ITGA2: variants seen among roughly 807,000 people sequenced by gnomAD.
ITGA2 encodes integrin subunit alpha 2.
A neutral mutation model predicts 146.3 loss-of-function variants in ITGA2; 101 were observed. The observed-to-expected ratio is 0.69, with a 90% CI of 0.59 to 0.81. The LOEUF is 0.81. ITGA2 is among the 40% of genes least tolerant of loss of function. The pLI is 0.00. For synonymous variants in ITGA2, 477 were observed against 487.1 expected (o/e 0.98, Z 0.27); for missense variants, 1,281 against 1,402.7 (o/e 0.91, Z 1.39).
intron 23 of ITGA2, among the ~76,000 whole-genome samples, chr5:53,076,122 C>T (rs974652533): frequency 6.6e-6 from 1 of 151,978 alleles, no homozygotes; most frequent in Admixed American, 6.6e-5. Flanking sequence ...CAAACTGGAA[C>T]ACAGTTGTGC....
In ITGA2 at chr5:53,056,008, G is replaced by A. The variant is rs41272301; in HGVS notation, c.955G>A (p.Ala319Thr). Residue 319 changes from alanine (A) to threonine (T), a missense_variant, in exon 9 of 30, where the codon GCC becomes ACC. By Grantham distance (58) the Ala-to-Thr change is moderately conservative (BLOSUM62 0). This residue lies in a region of ITGA2 where 795 missense variants were observed against 841.7 expected (regional missense o/e 0.94). Coordinates refer to ENST00000296585, the MANE Select transcript of ITGA2 (RefSeq NM_002203.4). ...IAVLGYLNRN[A>T]LDTKNLIKEI... is the part of the protein sequence containing the mutation. ...GGTTCTTGGGTACTTAAACAGAAACGCCCTTGATACTAAAAATTTAATAAA... is the reference window on the plus strand; with the variant it reads ...GGTTCTTGGGTACTTAAACAGAAACACCCTTGATACTAAAAATTTAATAAA... 5,463 of 1,609,182 alleles carry A rather than the reference G, an allele frequency of 3.4e-3. 250 individuals carry two copies. In the Admixed American group the frequency reaches 0.074, roughly 22 times the overall value.
intron 1 of ITGA2, 66 bp downstream of exon 1, chr5:52,989,598 G>C: frequency 6.4e-7 from 1 of 1,564,636 alleles, no homozygotes; most frequent in East Asian, 2.2e-5. Context: ...GGGCTCGCTG[G>C]AGGGATTGGG....
rs1247839927 is a variant in ITGA2 at position 53,094,773 on chromosome 5, T to G, written c.*4174T>G. 1 of 152,232 alleles carries G rather than the reference T, an allele frequency of 6.6e-6. No individual in the cohort carries two copies. Among genetic ancestry groups the G allele is most frequent in the African/African-American group, 2.4e-5 (1 of 41,458 alleles). The allele number at this position is 152,232 out of a possible 1,614,324, so 9.4% of individuals were successfully genotyped here. A position where few individuals can be genotyped will look rare whatever the true frequency, so the allele number is the denominator to read the frequency against. The stretch of plus-strand genomic sequence containing the variant: ...TAAAGCCATTTTCTTTGGGCTTTTA[T>G]AAGTTATATATTTTACTATTTTTAT... On this transcript the variant is annotated 3_prime_UTR_variant, in exon 30 of 30. Coordinates refer to ENST00000296585, the MANE Select transcript of ITGA2 (RefSeq NM_002203.4).
At chr5:53,015,861 T>A (rs1485848985) in intron 1 of ITGA2, among the ~76,000 whole-genome samples, 3 of 152,170 alleles carry the variant, frequency 2.0e-5, no homozygotes, top group Non-Finnish European at 4.4e-5. Context: ...TCCTTTCTGA[T>A]TGTTGTTGGT....
intron 1 of ITGA2, among the ~76,000 whole-genome samples, chr5:53,022,423 C>A (rs1406433460): frequency 2.6e-5 from 4 of 152,176 alleles, no homozygotes; most frequent in Non-Finnish European, 5.9e-5. Context: ...TCATATGTTT[C>A]TCTTTTGAAT....
intron 1 of ITGA2, among the ~76,000 whole-genome samples, chr5:53,023,518 T>A (rs1202238102): frequency 6.6e-6 from 1 of 152,222 alleles, no homozygotes; most frequent in Non-Finnish European, 1.5e-5. Context: ...TTAGTAAAAT[T>A]ACCATAATGG....
intron 3 of ITGA2, among the ~76,000 whole-genome samples, chr5:53,044,748 C>T (rs1259193855): frequency 6.6e-6 from 1 of 152,018 alleles, no homozygotes; most frequent in Admixed American, 6.5e-5. Flanking sequence ...CATAATTAAA[C>T]ATCTATAAGT....
intron 2 of ITGA2, among the ~76,000 whole-genome samples, chr5:53,038,822 G>C (rs72760423): frequency 0.01 from 1,554 of 152,258 alleles, 19 homozygotes; most frequent in Non-Finnish European, 0.016. Flanking sequence ...CAGGCACAGT[G>C]GCTCACACCA....
chr5:52,990,761 C>CATCTT (rs879167940), intron 1 of ITGA2, among the ~76,000 whole-genome samples: 1 of 152,006 alleles, frequency 6.6e-6, no homozygotes, highest in Admixed American at 6.6e-5. Flanking sequence ...AGAGAATGGG[C>CATCTT]ATCTTAGGTT....
Position 53,067,136 on chromosome 5 carries a change from T to C in ITGA2, c.1962T>C (p.Asp654=). Residue 654 remains aspartate (D), a synonymous_variant, in exon 16 of 30, where the codon GAT becomes GAC. Transcript: ENST00000296585. ...VVQLWSQSIA[D]VAIEASFTPE... is the part of the protein sequence containing the mutation. The stretch of plus-strand genomic sequence containing the variant: ...CTTTTAGGTCACAAAGTATTGCTGA[T>C]GTAGCTATAGAAGCTTCATTCACAC... 1.2e-6 allele frequency: 2 copies of C among 1,610,884 alleles called. No individual in the cohort carries two copies. Among genetic ancestry groups the C allele is most frequent in the Non-Finnish European group, 8.5e-7 (1 of 1,178,440 alleles).
chr5:53,056,414 C>T (rs138540520), intron 9 of ITGA2, among the ~76,000 whole-genome samples: 45 of 151,714 alleles, frequency 3.0e-4, no homozygotes, highest in African/African-American at 1.0e-3. Flanking sequence ...TAAATTAAAC[C>T]GACAATATGT....
chr5:53,016,509 C>T (rs968563267), intron 1 of ITGA2, among the ~76,000 whole-genome samples: 6 of 152,112 alleles, frequency 3.9e-5, no homozygotes, highest in African/African-American at 1.4e-4. Flanking sequence ...TTTCTGGCTG[C>T]CTTTAACATT....
chr5:53,029,637 T>C (rs1170316437), intron 2 of ITGA2, among the ~76,000 whole-genome samples: 2 of 152,206 alleles, frequency 1.3e-5, no homozygotes, highest in South Asian at 2.1e-4. Flanking sequence ...TATTTTCTAA[T>C]GATTAGTACT....
At position 53,078,685 on chromosome 5, in the gene ITGA2, G is replaced by A. The variant is rs1440502272; in HGVS notation, c.2826-87G>A. 3 of 779,606 alleles carry A rather than the reference G, an allele frequency of 3.8e-6. No individual in the cohort carries two copies. In the South Asian group the frequency reaches 4.5e-5, roughly 12 times the overall value. 48.3% of individuals were successfully genotyped at this position (779,606 alleles called of 1,614,324 possible). A position where few individuals can be genotyped will look rare whatever the true frequency, so the allele number is the denominator to read the frequency against. On this transcript the variant is annotated intron_variant, in intron 23 of 29. Coordinates refer to ENST00000296585, the MANE Select transcript of ITGA2 (RefSeq NM_002203.4). ...AAAAGTAAAATTTACTTTAACCTAAGCTATAAGATACTTAAATAAAAGAAA... is the reference window on the plus strand; with the variant it reads ...AAAAGTAAAATTTACTTTAACCTAAACTATAAGATACTTAAATAAAAGAAA...
chr5:53,065,062 G>GC lies in ITGA2; in HGVS notation c.1754dup (p.Val586CysfsTer27). On this transcript the variant is annotated frameshift_variant, in exon 14 of 30. Transcript: ENST00000296585. LOFTEE classifies it high-confidence loss of function. ...ACCACTAGAAAATCAGAATTCTGGA[G>GC]CTGTATACATTTACAATGGTCATCA... 1 of 1,612,796 alleles carries GC rather than the reference G, an allele frequency of 6.2e-7. No individual in the cohort carries two copies. The highest frequency in any genetic ancestry group is 8.5e-7 in the Non-Finnish European group (1 of 1,179,190).
At position 53,090,789 on chromosome 5, in the gene ITGA2, G is replaced by GC; in HGVS notation, c.*191dup. Reference sequence around the variant, plus strand: ...GTGGGGGGTGGGGGAGGTGCGGGGGGCAGGTAGGGAAATAATAGGGAAAAT... The same window carrying GC: ...GTGGGGGGTGGGGGAGGTGCGGGGGGCCAGGTAGGGAAATAATAGGGAAAAT... On this transcript the variant is annotated 3_prime_UTR_variant, in exon 30 of 30. Coordinates refer to ENST00000296585, the MANE Select transcript of ITGA2 (RefSeq NM_002203.4). The GC allele has an allele frequency of 2.6e-6, 1 of 378,944 alleles. No homozygotes were observed. The highest frequency in any genetic ancestry group is 5.0e-6 in the Non-Finnish European group (1 of 201,144). The allele number at this position is 378,944 out of a possible 1,614,324, so 23.5% of individuals were successfully genotyped here.
intron 15 of ITGA2, among the ~76,000 whole-genome samples, chr5:53,066,645 A>G (rs1047126339): frequency 1.3e-5 from 2 of 151,894 alleles, no homozygotes; most frequent in Admixed American, 6.6e-5. Context: ...ATATTCATTG[A>G]TTATTTTTTA....
chr5:53,007,133 T>G (rs1741897294), intron 1 of ITGA2, among the ~76,000 whole-genome samples: 2 of 152,134 alleles, frequency 1.3e-5, no homozygotes, highest in Admixed American at 1.3e-4. Context: ...TTAATAAAAT[T>G]GCTGTCATGT....
intron 1 of ITGA2, among the ~76,000 whole-genome samples, chr5:52,992,880 A>C (rs1226668069): frequency 6.6e-6 from 1 of 152,078 alleles, no homozygotes; most frequent in Non-Finnish European, 1.5e-5. Context: ...TGCTTTCCTG[A>C]ACACAAATAC....
Sources: allele counts gnomAD v4.1 joint callset (sites outside exome capture counted in the v4.1 genomes callset), GRCh38; gene constraint gnomAD v4.1.1; regional missense constraint gnomAD v4.1.1; transcripts MANE v1.5; gene names NCBI Gene and HGNC (gene_info 2026-07-23, HGNC 2026-07-21).